XPNPEP3: variants seen among roughly 807,000 people sequenced by gnomAD.
XPNPEP3 encodes xaa-Pro aminopeptidase 3.
Under a neutral mutation model 60.0 loss-of-function variants are expected in XPNPEP3, and 41 were observed. The ratio of observed to expected loss-of-function variants is 0.68; its 90% CI spans 0.53 to 0.89. The LOEUF (loss-of-function observed/expected upper bound fraction) is 0.89, where lower values mean the gene tolerates loss of function less well. Among genes scored for constraint, XPNPEP3 ranks in the 40% least tolerant of loss-of-function variants. The pLI, the probability that XPNPEP3 is intolerant of heterozygous loss-of-function variation, is 0.00. For missense variants in XPNPEP3, 598 were observed against 638.9 expected (o/e 0.94, Z 0.69); for synonymous variants, 212 against 223.2 (o/e 0.95, Z 0.45).
At chr22:40,910,063 GATTTAGT>G (rs1037380053) in intron 6 of XPNPEP3, among the ~76,000 whole-genome samples, 4 of 150,930 alleles carry the variant, frequency 2.7e-5, no homozygotes. Context: ...TTTCTTTACT[GATTTAGT>G]ATTCAGTAAA....
At chr22:40,867,627 G>T (rs1025777945) in intron 1 of XPNPEP3, among the ~76,000 whole-genome samples, 1 of 152,006 alleles carries the variant, frequency 6.6e-6, no homozygotes, top group African/African-American at 2.4e-5. Context: ...ACCAGTCTTG[G>T]TGGCACATAC....
intron 4 of XPNPEP3, among the ~76,000 whole-genome samples, chr22:40,894,379 T>G (rs989036805): frequency 4.6e-5 from 7 of 152,334 alleles, no homozygotes; most frequent in Admixed American, 2.0e-4. Flanking sequence ...TAATCATTTT[T>G]TAAATTTTTT....
intron 1 of XPNPEP3, among the ~76,000 whole-genome samples, chr22:40,863,976 G>A (rs187786455): frequency 1.3e-5 from 2 of 152,276 alleles, no homozygotes; most frequent in East Asian, 1.9e-4. Flanking sequence ...TACCGGAAAG[G>A]GGTCCCAATC....
At chr22:40,888,101 C>T (rs1156519610) in intron 4 of XPNPEP3, among the ~76,000 whole-genome samples, 1 of 152,138 alleles carries the variant, frequency 6.6e-6, no homozygotes, top group African/African-American at 2.4e-5. Flanking sequence ...CCCATTCTCC[C>T]CTCCTCCAGC....
At chr22:40,878,033 C>T (rs2058034163) in intron 2 of XPNPEP3, among the ~76,000 whole-genome samples, 1 of 151,926 alleles carries the variant, frequency 6.6e-6, no homozygotes, top group Non-Finnish European at 1.5e-5. Context: ...ATGGTGAAAC[C>T]CCATCTGTAC....
intron 4 of XPNPEP3, among the ~76,000 whole-genome samples, chr22:40,893,325 C>G (rs1022724510): frequency 6.7e-6 from 1 of 150,062 alleles, no homozygotes. Flanking sequence ...CTGACTAATA[C>G]GGAGAAACCC....
chr22:40,926,458 C>T lies in XPNPEP3; in HGVS notation c.*23C>T, dbSNP rs1284149542. On this transcript the variant is annotated 3_prime_UTR_variant, in exon 10 of 10. Transcript: ENST00000357137. ...TGACCTTCACTGCGGCCCACATGCA[C>T]CTCAGGTTCAAAATGGGTGTCTTCT... is the stretch of plus-strand genomic sequence containing the variant. 2.5e-6 allele frequency: 4 copies of T among 1,613,712 alleles called. No individual in the cohort carries two copies. Among genetic ancestry groups the T allele is most frequent in the Non-Finnish European group, 3.4e-6 (4 of 1,179,986 alleles).
intron 4 of XPNPEP3, among the ~76,000 whole-genome samples, chr22:40,903,201 A>C (rs1173541414): frequency 6.6e-6 from 1 of 152,232 alleles, no homozygotes; most frequent in Non-Finnish European, 1.5e-5. Context: ...AGCTCAGGCT[A>C]ATTTCAGACC....
intron 6 of XPNPEP3, among the ~76,000 whole-genome samples, chr22:40,912,827 G>T (rs577746870): frequency 6.6e-6 from 1 of 151,986 alleles, no homozygotes; most frequent in African/African-American, 2.4e-5. Context: ...CCAAGGTTGC[G>T]CCACTGCACT....
At chr22:40,880,545 A>G (rs571655338) in intron 2 of XPNPEP3, among the ~76,000 whole-genome samples, 99 of 151,286 alleles carry the variant, frequency 6.5e-4, no homozygotes, top group Admixed American at 1.1e-3. Context: ...GGAGAAGGGA[A>G]TAGGGATAAG....
chr22:40,882,435 A>G (rs933437773), intron 3 of XPNPEP3, among the ~76,000 whole-genome samples: 24 of 152,170 alleles, frequency 1.6e-4, no homozygotes, highest in African/African-American at 5.8e-4. Context: ...CCAGGAGTTC[A>G]AGACCAACCT....
intron 1 of XPNPEP3, among the ~76,000 whole-genome samples, chr22:40,863,793 T>G (rs531694725): frequency 6.6e-6 from 1 of 152,354 alleles, no homozygotes; most frequent in African/African-American, 2.4e-5. Flanking sequence ...AAAACAGACG[T>G]TCTGAGAGAG....
At chr22:40,874,277 A>T (rs1212850684) in intron 2 of XPNPEP3, among the ~76,000 whole-genome samples, 4 of 152,180 alleles carry the variant, frequency 2.6e-5, no homozygotes, top group Non-Finnish European at 5.9e-5. Flanking sequence ...TTAAAAAATT[A>T]AAAGGAATCA....
Position 40,912,112 on chromosome 22 carries a change from CAT to C in XPNPEP3, c.970-2126_970-2125del, listed in dbSNP as rs1425204151. Among the ~76,000 whole-genome samples the C allele has an allele frequency of 4.6e-5, 7 of 152,080 alleles. No individual in the cohort carries two copies. In the East Asian group the frequency reaches 1.3e-3, roughly 29 times the overall value. The stretch of plus-strand genomic sequence containing the variant: ...TTCATAAAAATGTTATTTATGTTAA[CAT>C]GTAATGGGTTTATTTTTAAATGAAT... On this transcript the variant is annotated intron_variant, in intron 6 of 9. Transcript: ENST00000357137.
intron 4 of XPNPEP3, among the ~76,000 whole-genome samples, chr22:40,889,858 T>G (rs1458244562): frequency 6.6e-6 from 1 of 152,016 alleles, no homozygotes; most frequent in Non-Finnish European, 1.5e-5. Context: ...ATCCAAACAT[T>G]TACAATGATC....
chr22:40,874,953 A>G (rs1236787281), intron 2 of XPNPEP3, among the ~76,000 whole-genome samples: 1 of 152,150 alleles, frequency 6.6e-6, no homozygotes, highest in African/African-American at 2.4e-5. Flanking sequence ...CATCATCACC[A>G]CCATCAATAA....
rs1211173923 is a variant in XPNPEP3 at position 40,926,486 on chromosome 22, C to T, written c.*51C>T. ...CAGGTTCAAAATGGGTGTCTTCTGG[C>T]AGCCCTGCACGTGTGCTTTCTGAGT... On this transcript the variant is annotated 3_prime_UTR_variant, in exon 10 of 10. Transcript: ENST00000357137. The T allele has an allele frequency of 1.9e-6, 3 of 1,601,522 alleles. No homozygotes were observed. Among genetic ancestry groups the T allele is most frequent in the Admixed American group, 3.3e-5 (2 of 59,990 alleles).
At chr22:40,918,103 G>C (rs1001186080) in intron 7 of XPNPEP3, among the ~76,000 whole-genome samples, 30 of 152,152 alleles carry the variant, frequency 2.0e-4, no homozygotes, top group African/African-American at 7.0e-4. Context: ...CTAGCATGGT[G>C]GCTCACACTG....
At chr22:40,911,835 C>T (rs372270924) in intron 6 of XPNPEP3, among the ~76,000 whole-genome samples, 1 of 152,052 alleles carries the variant, frequency 6.6e-6, no homozygotes, top group Non-Finnish European at 1.5e-5. Context: ...CCACCATGCC[C>T]GTCCTATTGT....
Sources: allele counts gnomAD v4.1 joint callset (sites outside exome capture counted in the v4.1 genomes callset), GRCh38; gene constraint gnomAD v4.1.1; transcripts MANE v1.5; gene names NCBI Gene and HGNC (gene_info 2026-07-23, HGNC 2026-07-21).